SLC12A7: variants seen among roughly 807,000 people sequenced by gnomAD.
SLC12A7 encodes K-Cl cotransporter 4.
Under a neutral mutation model 120.6 loss-of-function variants are expected in SLC12A7, and 100 were observed. The ratio of observed to expected loss-of-function variants is 0.83; its 90% CI spans 0.71 to 0.98. The LOEUF (loss-of-function observed/expected upper bound fraction) is 0.98. SLC12A7 is among the 50% of genes least tolerant of loss of function. The probability of loss-of-function intolerance (pLI) is 0.00; values close to 1 mark genes in which losing one functional copy is unlikely to be tolerated. For missense variants in SLC12A7, 1,373 were observed against 1,548.1 expected (o/e 0.89, Z 1.90); for synonymous variants, 760 against 678.0 (o/e 1.12, Z -1.88).
At chr5:1,076,613 T>C in intron 13 of SLC12A7, 81 bp downstream of exon 13, 1 of 1,037,826 alleles carries the variant, frequency 9.6e-7, no homozygotes, top group East Asian at 2.5e-5. Context: ...CTGCTTGTCC[T>C]GAGCAGGACC....
chr5:1,075,188 A>C (rs1465344526), intron 15 of SLC12A7, among the ~76,000 whole-genome samples, 183 bp downstream of exon 15: 1 of 152,140 alleles, frequency 6.6e-6, no homozygotes, highest in Non-Finnish European at 1.5e-5. Context: ...GCCTGGCTGG[A>C]AGTGGGAGGG....
intron 17 of SLC12A7, among the ~76,000 whole-genome samples, chr5:1,068,729 G>T (rs1019447226): frequency 6.6e-6 from 1 of 152,284 alleles, no homozygotes; most frequent in Non-Finnish European, 1.5e-5. Flanking sequence ...AAGGGCTGTC[G>T]GACGGAGAGG....
At chr5:1,154,314 C>G in the SLC12A7 span, among the ~76,000 whole-genome samples, 3 of 151,556 alleles carry the variant, frequency 2.0e-5, no homozygotes, top group East Asian at 3.9e-4. Flanking sequence ...CCACCACACC[C>G]CTGTACCAAT....
At chr5:1,090,983 C>T (rs1740433053) in intron 3 of SLC12A7, among the ~76,000 whole-genome samples, 1 of 152,174 alleles carries the variant, frequency 6.6e-6, no homozygotes, top group East Asian at 1.9e-4. Context: ...GCCCTTCCAC[C>T]CCAGGGGCCG....
chr5:1,061,038 G>A lies in SLC12A7; in HGVS notation c.2740-587C>T, dbSNP rs1302192561. ...GTCTCACCCGCCGCACCCGCCGTGC[G>A]GGATCCCTGAGTCTCACCCGCCGCA... On this transcript the variant is annotated intron_variant, in intron 20 of 23. Transcript: ENST00000264930. Among the ~76,000 whole-genome samples, 866 of 127,060 alleles carry A rather than the reference G, an allele frequency of 6.8e-3. 7 individuals carry two copies. The highest frequency in any genetic ancestry group is 0.027 in the African/African-American group (809 of 30,096). 83.4% of individuals were successfully genotyped at this position (127,060 alleles called of 152,430 possible).
At chr5:1,061,176 T>C (rs1297508495) in intron 20 of SLC12A7, among the ~76,000 whole-genome samples, 1 of 17,686 alleles carries the variant, frequency 5.7e-5, no homozygotes, top group African/African-American at 8.3e-5. Context: ...GACCCCTGCG[T>C]CTCACCCACC....
At chr5:1,124,876 C>A in the SLC12A7 span, among the ~76,000 whole-genome samples, 4 of 152,208 alleles carry the variant, frequency 2.6e-5, no homozygotes, top group Non-Finnish European at 5.9e-5. Flanking sequence ...CCGGCCAGAC[C>A]TCAAATCTCA....
At chr5:1,096,184 C>G (rs1222754854) in intron 1 of SLC12A7, among the ~76,000 whole-genome samples, 1 of 152,196 alleles carries the variant, frequency 6.6e-6, no homozygotes, top group African/African-American at 2.4e-5. Flanking sequence ...TTAGGAAATA[C>G]GCCTGTGAGA....
chr5:1,142,642 G>A, the SLC12A7 span, among the ~76,000 whole-genome samples: 2 of 147,226 alleles, frequency 1.4e-5, no homozygotes, highest in Non-Finnish European at 3.0e-5. Flanking sequence ...GTCTCTGTCT[G>A]GCTGTCTCTG....
chr5:1,154,014 G>A, the SLC12A7 span, among the ~76,000 whole-genome samples: 2,020 of 152,160 alleles, frequency 0.013, 31 homozygotes, highest in Non-Finnish European at 0.018. Context: ...AAGGGCAGGT[G>A]TCTCGTCCAT....
Position 1,064,242 on chromosome 5 carries a change from G to A in SLC12A7, c.2448C>T (p.Arg816=), listed in dbSNP as rs149966134. ...FSWKNFVDTV[R]DTTAAHQALL... The stretch of plus-strand genomic sequence containing the variant: ...GAGCCTGGTGCGCGGCGGTGGTGTC[G>A]CGGACGGTGTCTGCGGAGAGAGGCG... The change falls in exon 19 of 24, where the codon CGC becomes CGT. Residue 816 remains arginine (R), a synonymous_variant. Transcript: ENST00000264930. The A allele has an allele frequency of 7.6e-4, 1,226 of 1,610,214 alleles. 4 individuals are homozygous for A. The highest frequency in any genetic ancestry group is 5.3e-3 in the South Asian group (484 of 90,718).
the SLC12A7 span, among the ~76,000 whole-genome samples, chr5:1,154,542 C>A: frequency 1.3e-5 from 2 of 152,154 alleles, no homozygotes; most frequent in Admixed American, 6.5e-5. Context: ...TAGACACACA[C>A]ACGGACACAC....
chr5:1,142,947 A>ACTGGGTC, the SLC12A7 span, among the ~76,000 whole-genome samples: 1 of 151,316 alleles, frequency 6.6e-6, no homozygotes, highest in Non-Finnish European at 1.5e-5. Flanking sequence ...CTGGGAGGGC[A>ACTGGGTC]CTGGGCCCTG....
At chr5:1,053,269 GCA>G in intron 23 of SLC12A7, 78 bp downstream of exon 23, 1 of 1,518,016 alleles carries the variant, frequency 6.6e-7, no homozygotes. Flanking sequence ...CTCACTCCCA[GCA>G]CCCACAAACC....
intron 21 of SLC12A7, among the ~76,000 whole-genome samples, chr5:1,058,629 C>T (rs545186860): frequency 2.4e-4 from 37 of 152,346 alleles, no homozygotes; most frequent in Admixed American, 8.5e-4. Flanking sequence ...ACTTGGATGT[C>T]GGTCCTTCCC....
At chr5:1,138,120 C>G in the SLC12A7 span, among the ~76,000 whole-genome samples, 5 of 152,174 alleles carry the variant, frequency 3.3e-5, no homozygotes, top group Non-Finnish European at 7.3e-5. Context: ...CAGATCTTTG[C>G]AGTGTTACAG....
In SLC12A7 at chr5:1,065,400, T is replaced by C; in HGVS notation, c.2320A>G (p.Met774Val). ...LVVSSSLRDG[M>V]SHLIQSAGLG... ...CCGGCCGACTGGATCAGGTGGGACA[T>C]GCCATCCCGCAGGCTGGACGAGACC... The change falls in exon 18 of 24, where the codon ATG becomes GTG. Residue 774 changes from methionine (M) to valine (V), a missense_variant. Physicochemically the swap from Met to Val is conservative, Grantham distance 21. Transcript: ENST00000264930. 1.9e-6 allele frequency: 3 copies of C among 1,612,630 alleles called. No homozygotes were observed. Among genetic ancestry groups the C allele is most frequent in the South Asian group, 1.1e-5 (1 of 91,060 alleles).
the SLC12A7 span, among the ~76,000 whole-genome samples, chr5:1,153,962 A>G: frequency 4.6e-5 from 7 of 152,146 alleles, no homozygotes; most frequent in Non-Finnish European, 8.8e-5. Context: ...CAGGCTCAGG[A>G]GAAGGACAGG....
the SLC12A7 span, among the ~76,000 whole-genome samples, chr5:1,122,266 G>T: frequency 6.6e-6 from 1 of 152,178 alleles, no homozygotes; most frequent in East Asian, 1.9e-4. Context: ...CCCCGGCAGG[G>T]CTGTGCGAGG....
Sources: allele counts gnomAD v4.1 joint callset (sites outside exome capture counted in the v4.1 genomes callset), GRCh38; gene constraint gnomAD v4.1.1; transcripts MANE v1.5; gene names NCBI Gene and HGNC (gene_info 2026-07-23, HGNC 2026-07-21).